The following SPICE1 variants were observed in gnomAD, a reference collection of about 807,000 sequenced individuals.
The protein encoded by SPICE1 is spindle and centriole-associated protein 1.
Under a neutral mutation model 102.7 loss-of-function variants are expected in SPICE1, and 75 were observed. The ratio of observed to expected loss-of-function variants is 0.73; its 90% CI spans 0.61 to 0.88. The LOEUF is 0.88. Among genes scored for constraint, SPICE1 ranks in the 40% least tolerant of loss-of-function variants. The pLI is 0.00. For missense variants in SPICE1, 979 were observed against 1,020.1 expected (o/e 0.96, Z 0.55); for synonymous variants, 308 against 350.3 (o/e 0.88, Z 1.35).
At chr3:113,494,701 T>C (rs1012911666) in intron 4 of SPICE1, among the ~76,000 whole-genome samples, 3 of 151,754 alleles carry the variant, frequency 2.0e-5, no homozygotes, top group Admixed American at 6.6e-5. Flanking sequence ...TACATACACA[T>C]ATACAAAATA....
chr3:113,487,399 T>C (rs79212733), intron 7 of SPICE1, among the ~76,000 whole-genome samples: 3,921 of 152,264 alleles, frequency 0.026, 65 homozygotes, highest in East Asian at 0.054. Context: ...TAGATACTAA[T>C]ATAGATATGT....
At chr3:113,508,243 A>G (rs1644109176) in intron 1 of SPICE1, among the ~76,000 whole-genome samples, 1 of 152,164 alleles carries the variant, frequency 6.6e-6, no homozygotes, top group Non-Finnish European at 1.5e-5. Context: ...GAAATGACAC[A>G]AAAAGCACAA....
rs148983792 is a variant in SPICE1, at chr3:113,469,134, G to C, written c.716C>G (p.Thr239Arg). 21 of 1,613,208 alleles carry C rather than the reference G, an allele frequency of 1.3e-5. No homozygotes were observed. The highest frequency in any genetic ancestry group is 3.3e-4 in the Middle Eastern group (2 of 6,076). The change falls in exon 8 of 18, where the codon ACG becomes AGG. Residue 239 changes from threonine to arginine, a missense_variant. Transcript: ENST00000295872. ...ATQSQITPPG[T>R]PSSALSSGEQ... is the part of the protein sequence containing the mutation. ...CCCTGATGAAAGAGCAGATGATGGC[G>C]TTCCTGGAGGAGTTATTTGTGACTG...
intron 7 of SPICE1, among the ~76,000 whole-genome samples, chr3:113,482,758 G>T (rs1390961310): frequency 6.6e-6 from 1 of 152,112 alleles, no homozygotes; most frequent in Non-Finnish European, 1.5e-5. Flanking sequence ...TGTTCCATTG[G>T]TCTACATATC....
At chr3:113,454,191 C>G (rs1264749415) in intron 13 of SPICE1, among the ~76,000 whole-genome samples, 1 of 152,148 alleles carries the variant, frequency 6.6e-6, no homozygotes, top group Non-Finnish European at 1.5e-5. Flanking sequence ...AACCATCTGT[C>G]AAGTTCACAT....
At position 113,482,051 on chromosome 3, in the gene SPICE1, T is replaced by G. The variant is rs911787885; in HGVS notation, c.611+6894A>C. ...ACCAACAGTGTAAAAGCATTCTTAT[T>G]GCTCCACATCCTTTCTAGCATCTGT... is the stretch of plus-strand genomic sequence containing the variant. On this transcript the variant is annotated intron_variant, in intron 7 of 17. Transcript: ENST00000295872. Among the ~76,000 whole-genome samples, 20 of 152,224 alleles carry G rather than the reference T, an allele frequency of 1.3e-4. 1 individual carries two copies. Among genetic ancestry groups the G allele is most frequent in the African/African-American group, 4.8e-4 (20 of 41,458 alleles).
chr3:113,450,370 C>T lies in SPICE1; in HGVS notation c.2289G>A (p.Met763Ile). 1 of 1,614,050 alleles carries T rather than the reference C, an allele frequency of 6.2e-7. No homozygotes were observed. Among genetic ancestry groups the T allele is most frequent in the Non-Finnish European group, 8.5e-7 (1 of 1,180,008 alleles). The change falls in exon 15 of 18, where the codon ATG becomes ATA. Residue 763 changes from methionine (M) to isoleucine (I), a missense_variant. By Grantham distance (10) the Met-to-Ile change is conservative. Coordinates refer to ENST00000295872, the MANE Select transcript of SPICE1 (RefSeq NM_144718.4). ...CTCTGAGAGGTAACTGAACAGGTGACATTGGTGGAGAAAGATTCAAACCAA... is the reference window on the plus strand; with the variant it reads ...CTCTGAGAGGTAACTGAACAGGTGATATTGGTGGAGAAAGATTCAAACCAA... The part of the protein sequence containing the change: ...KLVGLNLSPP[M>I]SPVQLPLRAW...
intron 7 of SPICE1, among the ~76,000 whole-genome samples, chr3:113,473,399 A>G (rs1432833862): frequency 6.6e-6 from 1 of 152,210 alleles, no homozygotes; most frequent in African/African-American, 2.4e-5. Flanking sequence ...CAATCTAGCA[A>G]GGCAGGCCAA....
intron 1 of SPICE1, among the ~76,000 whole-genome samples, chr3:113,509,056 A>C (rs1472345968): frequency 3.3e-5 from 5 of 152,144 alleles, no homozygotes; most frequent in Non-Finnish European, 7.4e-5. Context: ...AGAGACATAG[A>C]TTAGTGATTG....
At chr3:113,472,056 C>T (rs535169134) in intron 7 of SPICE1, among the ~76,000 whole-genome samples, 4 of 152,348 alleles carry the variant, frequency 2.6e-5, no homozygotes, top group African/African-American at 7.2e-5. Flanking sequence ...GGGTGACAGA[C>T]GGCACCTGGA....
At chr3:113,460,207 T>C in intron 12 of SPICE1, 1 of 985,440 alleles carries the variant, frequency 1.0e-6, no homozygotes, top group African/African-American at 1.7e-5. Flanking sequence ...TTTTTCTCTT[T>C]CCAAAACCAT....
intron 11 of SPICE1, among the ~76,000 whole-genome samples, chr3:113,465,205 C>G: frequency 6.6e-6 from 1 of 151,816 alleles, no homozygotes; most frequent in African/African-American, 2.4e-5. Flanking sequence ...AGAAAAGGAG[C>G]AATTAGTCAA....
At chr3:113,479,119 T>C in intron 7 of SPICE1, among the ~76,000 whole-genome samples, 2 of 114,504 alleles carry the variant, frequency 1.7e-5, no homozygotes, top group African/African-American at 6.5e-5. Flanking sequence ...ATGCTATCCC[T>C]CCCCCCACCC....
At position 113,494,088 on chromosome 3, in the gene SPICE1, T is replaced by C. The variant is rs769414805; in HGVS notation, c.346A>G (p.Ile116Val). Residue 116 changes from isoleucine to valine, a missense_variant, in exon 5 of 18, where the codon ATA (isoleucine) becomes GTA (valine). Coordinates refer to ENST00000295872, the MANE Select transcript of SPICE1 (RefSeq NM_144718.4). ...QDVLEKSDHL[I>V]AAAKELFPRR... is the part of the protein sequence containing the mutation. ...GGAAACAGCTCTTTTGCTGCAGCTA[T>C]TAGATGATCAGATTTCTCCAACACA... 2 of 1,612,882 alleles carry C rather than the reference T, an allele frequency of 1.2e-6. No individual in the cohort carries two copies. Among genetic ancestry groups the C allele is most frequent in the Non-Finnish European group, 1.7e-6 (2 of 1,179,820 alleles).
intron 14 of SPICE1, among the ~76,000 whole-genome samples, chr3:113,451,142 T>C (rs1439789615): frequency 1.3e-5 from 2 of 152,184 alleles, no homozygotes; most frequent in Non-Finnish European, 2.9e-5. Flanking sequence ...GCTTCAAATA[T>C]GCACCATTTG....
rs201541188 is a variant in SPICE1 at position 113,484,881 on chromosome 3, T to C, written c.611+4064A>G. 2.6e-5 allele frequency among the ~76,000 whole-genome samples: 4 copies of C among 152,188 alleles called. No homozygotes were observed. In the East Asian group the frequency reaches 7.7e-4, roughly 29 times the overall value. ...GAGTTCTGTAGATGTCTATTAAGTC[T>C]GCTTGGTCCAGAGCTGAGTTCAAGT... On this transcript the variant is annotated intron_variant, in intron 7 of 17. Coordinates refer to ENST00000295872, the MANE Select transcript of SPICE1 (RefSeq NM_144718.4).
intron 1 of SPICE1, among the ~76,000 whole-genome samples, 195 bp from the exon 2 acceptor site, chr3:113,506,800 TATA>T (rs1937122197): frequency 6.6e-6 from 1 of 152,198 alleles, no homozygotes; most frequent in African/African-American, 2.4e-5. Flanking sequence ...TACTGATAAT[TATA>T]ATAAAAGAGG....
chr3:113,481,503 T>C (rs1216829965), intron 7 of SPICE1, among the ~76,000 whole-genome samples: 2 of 151,954 alleles, frequency 1.3e-5, no homozygotes, highest in African/African-American at 4.8e-5. Context: ...CCCATAGTGG[T>C]TTGCTGCACC....
intron 7 of SPICE1, among the ~76,000 whole-genome samples, chr3:113,478,110 A>C (rs895200830): frequency 1.1e-4 from 17 of 152,106 alleles, no homozygotes; most frequent in African/African-American, 4.1e-4. Context: ...AAATACCAAA[A>C]GAAATTTTTT....
Sources: gnomAD v4.1 joint callset for allele counts (sites outside exome capture counted in the v4.1 genomes callset) on GRCh38, gnomAD v4.1.1 for gene constraint, MANE v1.5 for transcripts, NCBI Gene and HGNC (gene_info 2026-07-23, HGNC 2026-07-21) for gene names.